The following KMO variants were observed in gnomAD, a reference collection of about 807,000 sequenced individuals.
KMO encodes the protein kynurenine 3-hydroxylase.
KMO carries 24 observed loss-of-function variants against 57.8 expected under a neutral mutation model. The ratio of observed to expected loss-of-function variants is 0.42; its 90% CI spans 0.30 to 0.58. The LOEUF (loss-of-function observed/expected upper bound fraction) is 0.58, where lower values mean the gene tolerates loss of function less well. Among genes scored for constraint, KMO ranks in the 20% least tolerant of loss-of-function variants. KMO has a pLI of 0.22. For missense variants in KMO, 483 were observed against 588.2 expected (o/e 0.82, Z 1.85); for synonymous variants, 210 against 193.6 (o/e 1.08, Z -0.70).
At chr1:241,560,793 G>A in intron 6 of KMO, 41 bp downstream of exon 6, 3 of 1,318,752 alleles carry the variant, frequency 2.3e-6, no homozygotes, top group Admixed American at 1.7e-5. Flanking sequence ...GGTGAAAGCT[G>A]GGAGTGGAGA....
intron 5 of KMO, among the ~76,000 whole-genome samples, chr1:241,558,886 G>T (rs192201632): frequency 6.6e-6 from 1 of 152,204 alleles, no homozygotes; most frequent in Non-Finnish European, 1.5e-5. Context: ...GCCGAAGGGG[G>T]TGGATCACCT....
At chr1:241,570,220 CT>C (rs1043792446) in intron 10 of KMO, among the ~76,000 whole-genome samples, 1 of 151,656 alleles carries the variant, frequency 6.6e-6, no homozygotes, top group Non-Finnish European at 1.5e-5. Context: ...TTTGCAGAAA[CT>C]TTTTTTTAGC....
intron 12 of KMO, 27 bp from the exon 13 acceptor site, chr1:241,589,985 C>T (rs368202559): frequency 1.7e-5 from 26 of 1,547,586 alleles, no homozygotes; most frequent in Non-Finnish European, 2.1e-5. Flanking sequence ...TGTTCAAAAG[C>T]GTTCTTTAAG....
intron 12 of KMO, among the ~76,000 whole-genome samples, 169 bp downstream of exon 12, chr1:241,588,999 G>A (rs181637468): frequency 5.9e-5 from 9 of 152,310 alleles, no homozygotes; most frequent in Admixed American, 5.2e-4. Flanking sequence ...GGTGGATTGT[G>A]ACTCTGGCCA....
chr1:241,585,223 C>T (rs916973794), intron 10 of KMO, among the ~76,000 whole-genome samples: 16 of 108,004 alleles, frequency 1.5e-4, no homozygotes, highest in African/African-American at 5.5e-4. Flanking sequence ...ACCGAGACTG[C>T]ATTTCAAAAT....
At chr1:241,549,266 A>AAAGAAAGAAAGAAAGAAAGG (rs1348387681) in intron 2 of KMO, among the ~76,000 whole-genome samples, 1 of 117,634 alleles carries the variant, frequency 8.5e-6, no homozygotes, top group Non-Finnish European at 1.8e-5. Context: ...AGAAAGAAAG[A>AAAGAAAGAAAGAAAGAAAGG]AAGGAAGGAA....
chr1:241,563,838 CTT>C (rs892432632), intron 7 of KMO, among the ~76,000 whole-genome samples: 1 of 152,108 alleles, frequency 6.6e-6, no homozygotes, highest in African/African-American at 2.4e-5. Context: ...CTCTATTTTT[CTT>C]TGTGTCTTTT....
intron 4 of KMO, 31 bp downstream of exon 4, chr1:241,551,075 G>A (rs1661376460): frequency 8.1e-7 from 1 of 1,229,706 alleles, no homozygotes; most frequent in Non-Finnish European, 1.2e-6. Context: ...ATTGTGCATT[G>A]ATTATAAGGA....
chr1:241,585,250 A>AAT (rs1264333758), intron 10 of KMO, among the ~76,000 whole-genome samples: 2 of 151,934 alleles, frequency 1.3e-5, no homozygotes, highest in African/African-American at 4.8e-5. Flanking sequence ...ATTAATAATT[A>AAT]AATTAAATTA....
chr1:241,564,359 T>A (rs1281043024), intron 7 of KMO, among the ~76,000 whole-genome samples: 1 of 152,172 alleles, frequency 6.6e-6, no homozygotes, highest in Non-Finnish European at 1.5e-5. Flanking sequence ...AAGCAATTAA[T>A]ACTTATTCAG....
At position 241,566,484 on chromosome 1, in the gene KMO, C is replaced by G; in HGVS notation, c.688-7C>G. The stretch of plus-strand genomic sequence containing the variant: ...CCCCTTTCACTCTGTTTCTCTTCTT[C>G]TCACAGAACAAATCATTCACATGTA... On this transcript the variant is annotated splice_region_variant and splice_polypyrimidine_tract_variant and intron_variant, in intron 8 of 14. Transcript: ENST00000366559. The G allele has an allele frequency of 6.2e-7, 1 of 1,608,510 alleles. No homozygotes were observed. Among genetic ancestry groups the G allele is most frequent in the Non-Finnish European group, 8.5e-7 (1 of 1,177,536 alleles).
In KMO at chr1:241,568,623, G is replaced by T; in HGVS notation, c.933G>T (p.Pro311=). 6.2e-7 allele frequency: 1 copy of T among 1,613,560 alleles called. No homozygotes were observed. The highest frequency in any genetic ancestry group is 2.2e-5 in the East Asian group (1 of 44,818). ...GAGATGCAGCTCATGCTATAGTGCC[G>T]TTTTTTGGGCAAGGAATGAATGCGG... ...LLGDAAHAIV[P]FFGQGMNAGF... Residue 311 remains proline, a synonymous_variant, in exon 10 of 15, where the codon CCG becomes CCT. Coordinates refer to ENST00000366559, the MANE Select transcript of KMO (RefSeq NM_003679.5).
chr1:241,561,707 T>C (rs959346437), intron 6 of KMO, among the ~76,000 whole-genome samples: 3 of 152,266 alleles, frequency 2.0e-5, no homozygotes, highest in African/African-American at 7.2e-5. Flanking sequence ...TTAAAATCTT[T>C]TATCTTGACA....
Position 241,532,383 on chromosome 1 carries a change from A to G in KMO, c.-62A>G, listed in dbSNP as rs747535928. 12 of 1,611,166 alleles carry G rather than the reference A, an allele frequency of 7.4e-6. No homozygotes were observed. In the East Asian group the frequency reaches 2.2e-4, roughly 30 times the overall value. ...TCAGAGAAATCAGTGTGTAGGAGAC[A>G]CAGAAATCAGTGTCACTCAGTGACA... On this transcript the variant is annotated 5_prime_UTR_variant, in exon 1 of 15. Coordinates refer to ENST00000366559, the MANE Select transcript of KMO (RefSeq NM_003679.5).
rs138406816 is a variant in KMO at position 241,594,687 on chromosome 1, C to T, written c.*2534C>T. 1.2e-3 allele frequency: 1,885 copies of T among 1,611,462 alleles called. 2 individuals carry two copies. The highest frequency in any genetic ancestry group is 1.4e-3 in the Non-Finnish European group (1,700 of 1,178,860). ...GCACAGAAGCTGCAAAAGGGATCTT[C>T]GAAACTGGGCAGAGAAAAAATAAAG... is the stretch of plus-strand genomic sequence containing the variant. On this transcript the variant is annotated 3_prime_UTR_variant, in exon 15 of 15. Coordinates refer to ENST00000366559, the MANE Select transcript of KMO (RefSeq NM_003679.5).
chr1:241,552,463 ACAGCCTG>A (rs1440479133), intron 4 of KMO, among the ~76,000 whole-genome samples: 8 of 152,132 alleles, frequency 5.3e-5, no homozygotes, highest in Non-Finnish European at 1.0e-4. Flanking sequence ...GGTCAGTTCC[ACAGCCTG>A]TGGGAGCACA....
chr1:241,573,510 AGCACCATTTATTAAATAGGGTGTCCTT>A (rs1662383533), intron 10 of KMO, among the ~76,000 whole-genome samples: 1 of 152,140 alleles, frequency 6.6e-6, no homozygotes, highest in African/African-American at 2.4e-5. Context: ...CAGTTTTCCC[AGCACCATTTATTAAATAGGGTGTCCTT>A]GCCTCAATTT....
At chr1:241,547,463 T>C (rs1262287756) in intron 1 of KMO, among the ~76,000 whole-genome samples, 4 of 150,378 alleles carry the variant, frequency 2.7e-5, no homozygotes, top group East Asian at 2.0e-4. Flanking sequence ...GGCAACCCAA[T>C]AGAAAATGGG....
chr1:241,549,410 C>G (rs1487529910), intron 2 of KMO, among the ~76,000 whole-genome samples: 1 of 151,864 alleles, frequency 6.6e-6, no homozygotes, highest in African/African-American at 2.4e-5. Context: ...GGTTCTAATT[C>G]TTTGACTTTT....
Sources: allele counts gnomAD v4.1 joint callset (sites outside exome capture counted in the v4.1 genomes callset), GRCh38; gene constraint gnomAD v4.1.1; transcripts MANE v1.5; gene names NCBI Gene and HGNC (gene_info 2026-07-23, HGNC 2026-07-21).